The following XKR6 variants were observed in gnomAD, a reference collection of about 807,000 sequenced individuals.
The protein encoded by XKR6 is XK related 6, also known as XK-related protein 6.
A neutral mutation model predicts 56.7 loss-of-function variants in XKR6; 22 were observed. The ratio of observed to expected loss-of-function variants is 0.39; its 90% CI spans 0.28 to 0.55. The LOEUF (loss-of-function observed/expected upper bound fraction) is 0.55, where lower values mean the gene tolerates loss of function less well. Ranked by LOEUF, XKR6 falls within the 20% of genes least tolerant of loss-of-function variation. The probability of loss-of-function intolerance (pLI) is 0.66; values close to 1 mark genes in which losing one functional copy is unlikely to be tolerated. For synonymous variants in XKR6, 524 were observed against 387.8 expected (o/e 1.35, Z -4.13); for missense variants, 852 against 889.0 (o/e 0.96, Z 0.53).
chr8:11,135,270 C>T (rs1359776304), intron 1 of XKR6, among the ~76,000 whole-genome samples: 1 of 152,122 alleles, frequency 6.6e-6, no homozygotes, highest in African/African-American at 2.4e-5. Flanking sequence ...ACCTCGTGAT[C>T]CGCCAGTCTC....
chr8:10,961,254 C>T (rs573975045), intron 1 of XKR6, among the ~76,000 whole-genome samples: 62 of 152,300 alleles, frequency 4.1e-4, no homozygotes, highest in African/African-American at 1.4e-3. Context: ...AAGATCCCTC[C>T]GGCTCTAGTG....
intron 1 of XKR6, among the ~76,000 whole-genome samples, chr8:11,069,750 C>G (rs1431392665): frequency 6.6e-6 from 1 of 152,100 alleles, no homozygotes; most frequent in Non-Finnish European, 1.5e-5. Context: ...ACTGCAGAGC[C>G]TCCAGAGCCT....
chr8:11,008,161 C>G (rs985033411), intron 1 of XKR6, among the ~76,000 whole-genome samples: 1 of 152,210 alleles, frequency 6.6e-6, no homozygotes, highest in Non-Finnish European at 1.5e-5. Context: ...TGCTCAAATA[C>G]CCTCGGTGGC....
Position 10,898,384 on chromosome 8 carries a change from C to T in XKR6, c.1494G>A (p.Leu498=), listed in dbSNP as rs1383637274. ...TCTTAGCTCGTGGTCCTGTGGGATG[C>T]AGCACGCCATAGTATAAGAGCATCA... ...IAMMLLYYGV[L]HPTGPRAKIL... is the part of the protein sequence containing the mutation. The change falls in exon 3 of 3, where the codon CTG becomes CTA. Residue 498 remains leucine (L), a synonymous_variant. Coordinates refer to ENST00000416569, the MANE Select transcript of XKR6 (RefSeq NM_173683.4). This position sits in a 1 kb window ranked among gnomAD's most constrained non-coding sequence, Gnocchi z 6.6. 17 of 1,614,022 alleles carry T rather than the reference C, an allele frequency of 1.1e-5. No homozygotes were observed. In the South Asian group the frequency reaches 1.9e-4, roughly 18 times the overall value.
At chr8:11,079,214 CT>C (rs1352290021) in intron 1 of XKR6, among the ~76,000 whole-genome samples, 5 of 152,200 alleles carry the variant, frequency 3.3e-5, no homozygotes, top group African/African-American at 1.2e-4. Flanking sequence ...TGTGTGTCTC[CT>C]GGCTTGTCTG....
At chr8:11,016,707 G>A (rs1798632685) in intron 1 of XKR6, among the ~76,000 whole-genome samples, 2 of 152,330 alleles carry the variant, frequency 1.3e-5, no homozygotes, top group South Asian at 2.1e-4. Context: ...TGCCTCCGCG[G>A]CCAGCACTGG....
intron 1 of XKR6, among the ~76,000 whole-genome samples, chr8:11,196,582 G>A (rs1736728536): frequency 6.6e-6 from 1 of 152,168 alleles, no homozygotes; most frequent in African/African-American, 2.4e-5. Context: ...CAAACTTAAT[G>A]GTACCCGATC....
chr8:11,011,849 G>A (rs762069130), intron 1 of XKR6, among the ~76,000 whole-genome samples: 23 of 152,224 alleles, frequency 1.5e-4, no homozygotes, highest in Admixed American at 2.6e-4. Flanking sequence ...CTGCAGGGCA[G>A]CACATGGCAC....
At position 10,924,758 on chromosome 8, in the gene XKR6, A is replaced by G. The variant is rs1800827318; in HGVS notation, c.837T>C (p.Ala279=). 6.2e-7 allele frequency: 1 copy of G among 1,613,988 alleles called. No individual in the cohort carries two copies. Among genetic ancestry groups the G allele is most frequent in the African/African-American group, 1.3e-5 (1 of 74,916 alleles). Residue 279 remains alanine (A), a synonymous_variant, in exon 2 of 3, where the codon GCT becomes GCC. Coordinates refer to ENST00000416569, the MANE Select transcript of XKR6 (RefSeq NM_173683.4). ...RKEHQRRFYW[A]MMYEYADVNM... ...TGACGTCTGCATATTCATACATCATAGCCCAGTAGAAGCGTCGCTGGTGTT... is the reference window on the plus strand; with the variant it reads ...TGACGTCTGCATATTCATACATCATGGCCCAGTAGAAGCGTCGCTGGTGTT...
chr8:10,976,154 T>C (rs565312434), intron 1 of XKR6, among the ~76,000 whole-genome samples: 32 of 150,810 alleles, frequency 2.1e-4, no homozygotes, highest in South Asian at 1.1e-3. Context: ...CCAGCCTGGG[T>C]GACAGAGCAA....
At chr8:11,044,165 C>G (rs1268462153) in intron 1 of XKR6, among the ~76,000 whole-genome samples, 1 of 152,248 alleles carries the variant, frequency 6.6e-6, no homozygotes, top group Admixed American at 6.5e-5. Context: ...GGCTGGTTTA[C>G]AGAGGCTGAG....
intron 1 of XKR6, among the ~76,000 whole-genome samples, chr8:10,999,623 T>C (rs1002408852): frequency 3.3e-5 from 5 of 152,210 alleles, no homozygotes; most frequent in East Asian, 3.8e-4. Flanking sequence ...ATTGGTTTTA[T>C]AGAACCAAAA....
intron 1 of XKR6, chr8:11,137,617 A>G (rs1276896304): frequency 2.2e-6 from 1 of 456,188 alleles, no homozygotes; most frequent in Non-Finnish European, 4.4e-6. Flanking sequence ...CACCAAATGA[A>G]CTCAGGAGAC....
intron 1 of XKR6, among the ~76,000 whole-genome samples, chr8:11,096,611 C>A (rs769534786): frequency 2.6e-5 from 4 of 152,128 alleles, no homozygotes; most frequent in Non-Finnish European, 5.9e-5. Context: ...GGAAGATGGA[C>A]CGATGTTAGT....
chr8:11,195,169 T>C, intron 1 of XKR6: 4 of 703,314 alleles, frequency 5.7e-6, no homozygotes, highest in East Asian at 2.7e-5. Flanking sequence ...GGCAACTTCA[T>C]GTGGTTAAAT....
chr8:10,955,384 T>C (rs1007514011), intron 1 of XKR6, among the ~76,000 whole-genome samples: 7 of 152,110 alleles, frequency 4.6e-5, no homozygotes, highest in Admixed American at 4.6e-4. Context: ...TGTCACTATG[T>C]TATCCAGGCT....
intron 1 of XKR6, among the ~76,000 whole-genome samples, chr8:11,000,460 T>G (rs926873605): frequency 6.6e-6 from 1 of 152,170 alleles, no homozygotes; most frequent in Non-Finnish European, 1.5e-5. Context: ...CTGAGGTGGA[T>G]GCATCACTTG....
intron 1 of XKR6, among the ~76,000 whole-genome samples, chr8:11,187,217 C>A (rs1292117614): frequency 1.3e-5 from 2 of 152,204 alleles, no homozygotes; most frequent in African/African-American, 4.8e-5. Context: ...CACCCTATGG[C>A]TAGGTTTTGG....
chr8:11,093,452 C>G (rs965889200), intron 1 of XKR6, among the ~76,000 whole-genome samples: 1 of 152,220 alleles, frequency 6.6e-6, no homozygotes, highest in Non-Finnish European at 1.5e-5. Context: ...TTTCTGCGAG[C>G]AGTTCTGGTG....
Sources: allele counts gnomAD v4.1 joint callset (sites outside exome capture counted in the v4.1 genomes callset), GRCh38; gene constraint gnomAD v4.1.1; non-coding constraint Gnocchi (gnomAD v3.1); transcripts MANE v1.5; gene names NCBI Gene and HGNC (gene_info 2026-07-23, HGNC 2026-07-21).